SLC43A2: variants seen among roughly 807,000 people sequenced by gnomAD.
SLC43A2 encodes large neutral amino acids transporter small subunit 4.
A neutral mutation model predicts 63.2 loss-of-function variants in SLC43A2; 38 were observed. The ratio of observed to expected loss-of-function variants is 0.60; its 90% CI spans 0.46 to 0.79. SLC43A2 has a LOEUF of 0.79. Ranked by LOEUF, SLC43A2 falls within the 30% of genes least tolerant of loss-of-function variation. SLC43A2 has a pLI of 0.00. For synonymous variants in SLC43A2, 322 were observed against 331.0 expected, an observed-to-expected ratio of 0.97 and a Z score of 0.30; for missense variants, 644 against 756.2, an observed-to-expected ratio of 0.85 and a Z score of 1.74.
chr17:1,580,212 C>A (rs2075991523), intron 11 of SLC43A2, among the ~76,000 whole-genome samples: 2 of 152,224 alleles, frequency 1.3e-5, no homozygotes, highest in Non-Finnish European at 2.9e-5. Flanking sequence ...GCCACCGTGC[C>A]CGGCCAGGCT....
rs2075829524 is a variant in SLC43A2, at chr17:1,570,411, G to A, written c.*5193C>T. On this transcript the variant is annotated 3_prime_UTR_variant, in exon 14 of 14. Transcript: ENST00000301335. ...CTGAAAGTGGCTCTCCTGTTGTATG[G>A]GCTTGGGTGTGGTGTGGTGGCCCTT... is the stretch of plus-strand genomic sequence containing the variant. 6.6e-6 allele frequency: 1 copy of A among 152,336 alleles called. No homozygotes were observed. Among genetic ancestry groups the A allele is most frequent in the African/African-American group, 2.4e-5 (1 of 41,416 alleles). 9.4% of individuals were successfully genotyped at this position (152,336 alleles called of 1,614,324 possible).
intron 8 of SLC43A2, 55 bp downstream of exon 8, chr17:1,591,214 C>T (rs1290731438): frequency 8.9e-6 from 14 of 1,580,944 alleles, no homozygotes; most frequent in East Asian, 4.5e-5. Flanking sequence ...TGGGGTGAGC[C>T]GATACCCACA....
chr17:1,623,243 G>A (rs1038239269), intron 2 of SLC43A2, among the ~76,000 whole-genome samples: 21 of 152,236 alleles, frequency 1.4e-4, no homozygotes, highest in Admixed American at 3.9e-4. Flanking sequence ...CTCTGCCCTT[G>A]CAGCGATCTC....
chr17:1,625,522 C>G (rs1908583455), intron 2 of SLC43A2, among the ~76,000 whole-genome samples: 1 of 152,160 alleles, frequency 6.6e-6, no homozygotes. Flanking sequence ...AGCCATGCAC[C>G]AAGTTTGAAA....
intron 2 of SLC43A2, among the ~76,000 whole-genome samples, chr17:1,623,616 GGGTGTA>G (rs1908358417): frequency 1.3e-5 from 2 of 149,762 alleles, no homozygotes; most frequent in Non-Finnish European, 3.0e-5. Flanking sequence ...CTCTCCTCCA[GGGTGTA>G]CCCTCCTCTC....
At chr17:1,617,837 A>G (rs548866318) in intron 2 of SLC43A2, among the ~76,000 whole-genome samples, 3 of 152,284 alleles carry the variant, frequency 2.0e-5, no homozygotes, top group East Asian at 3.9e-4. Context: ...CACCAAAACA[A>G]CACAGAAAGG....
At chr17:1,580,204 C>T (rs2075991255) in intron 11 of SLC43A2, among the ~76,000 whole-genome samples, 1 of 152,230 alleles carries the variant, frequency 6.6e-6, no homozygotes, top group Non-Finnish European at 1.5e-5. Context: ...AGGCGTGAGC[C>T]ACCGTGCCCG....
intron 9 of SLC43A2, chr17:1,586,928 T>TGGCCCCCCCCCCCCCCCCCCC: frequency 8.9e-6 from 11 of 1,232,854 alleles, no homozygotes; most frequent in South Asian, 1.3e-5. Flanking sequence ...TCCCTGACAA[T>TGGCCCCCCCCCCCCCCCCCCC]CCCCCCCACC....
chr17:1,618,456 G>T (rs1320259231), intron 2 of SLC43A2, among the ~76,000 whole-genome samples: 1 of 152,214 alleles, frequency 6.6e-6, no homozygotes, highest in Non-Finnish European at 1.5e-5. Flanking sequence ...TGGTTATCAT[G>T]ATCATTGCTG....
chr17:1,627,669 A>ACCCCCCCC, intron 2 of SLC43A2, 46 bp downstream of exon 2: 2 of 1,127,302 alleles, frequency 1.8e-6, no homozygotes, highest in Non-Finnish European at 2.4e-6. Flanking sequence ...CCCCTCCCAA[A>ACCCCCCCC]GCCCCAGCTC....
In SLC43A2 at chr17:1,590,938, G is replaced by A. The variant is rs1904706471; in HGVS notation, c.942C>T (p.Ser314=). The change falls in exon 9 of 14, where the codon TCC becomes TCT. Residue 314 remains serine (S), a synonymous_variant. Transcript: ENST00000301335. ...TGGGGCTGAACACGCTGTGCATGAA[G>A]GAGGGGGCCACTGCAGGGAGAGGGT... is the stretch of plus-strand genomic sequence containing the variant. ...KCQPDAAVAP[S]FMHSVFSPIL... is the part of the protein sequence containing the mutation. The A allele has an allele frequency of 1.2e-5, 19 of 1,550,526 alleles. No individual in the cohort carries two copies. Among genetic ancestry groups the A allele is most frequent in the Non-Finnish European group, 1.6e-5 (18 of 1,147,126 alleles).
At position 1,617,286 on chromosome 17, in the gene SLC43A2, G is replaced by A. The variant is rs182622994; in HGVS notation, c.161-517C>T. 6.0e-3 allele frequency among the ~76,000 whole-genome samples: 921 copies of A among 152,322 alleles called. 8 individuals carry two copies. The highest frequency in any genetic ancestry group is 0.021 in the African/African-American group (875 of 41,574). On this transcript the variant is annotated intron_variant, in intron 2 of 13. Coordinates refer to ENST00000301335, the MANE Select transcript of SLC43A2 (RefSeq NM_152346.3). ...AGCACTGGTCTCACCCCAATAGCCT[G>A]GTTCTCCTCTGTCCATGTGGGGAGA...
chr17:1,613,406 T>C, intron 4 of SLC43A2, 135 bp from the exon 5 acceptor site: 1 of 699,644 alleles, frequency 1.4e-6, no homozygotes, highest in Non-Finnish European at 2.5e-6. Flanking sequence ...ACCTGACATC[T>C]GGGGAGTGGA....
rs1013392946 is a variant in SLC43A2, at chr17:1,593,659, G to C, written c.502-380C>G. On this transcript the variant is annotated intron_variant, in intron 5 of 13. Transcript: ENST00000301335. The surrounding 1 kb of genome is among the most constrained non-coding windows in gnomAD (Gnocchi z 5.3). Reference sequence around the variant, plus strand: ...AAGGGAGAAAGCCTGTTAAAAATAAGAATCTATTTGGGGATAATAGCATCA... The same window carrying C: ...AAGGGAGAAAGCCTGTTAAAAATAACAATCTATTTGGGGATAATAGCATCA... Among the ~76,000 whole-genome samples the C allele has an allele frequency of 1.3e-5, 2 of 152,102 alleles. No individual in the cohort carries two copies. Among genetic ancestry groups the C allele is most frequent in the Admixed American group, 6.6e-5 (1 of 15,254 alleles).
At chr17:1,576,522 G>C in intron 13 of SLC43A2, 75 bp downstream of exon 13, 1 of 1,513,846 alleles carries the variant, frequency 6.6e-7, no homozygotes, top group Non-Finnish European at 8.8e-7. Flanking sequence ...TGAAGCCCCC[G>C]AGGGGGACCT....
At position 1,605,138 on chromosome 17, in the gene SLC43A2, CGCCTCT is replaced by C; in HGVS notation, c.501+8051_501+8056del. On this transcript the variant is annotated intron_variant, in intron 5 of 13. Coordinates refer to ENST00000301335, the MANE Select transcript of SLC43A2 (RefSeq NM_152346.3). The surrounding 1 kb of genome is among the most constrained non-coding windows in gnomAD (Gnocchi z 4.9). ...CAGGTGCTTCCCACAGCCCCCTCGC[CGCCTCT>C]GCCTCCGTGCGGGTCAACCTGTCCT... The C allele has an allele frequency of 7.8e-7, 1 of 1,278,968 alleles. No individual in the cohort carries two copies. The highest frequency in any genetic ancestry group is 1.7e-5 in the South Asian group (1 of 58,296). 79.2% of individuals were successfully genotyped at this position (1,278,968 alleles called of 1,614,324 possible).
At chr17:1,608,090 C>T (rs987073275) in intron 5 of SLC43A2, among the ~76,000 whole-genome samples, 4 of 152,152 alleles carry the variant, frequency 2.6e-5, no homozygotes, top group Admixed American at 2.6e-4. Context: ...TGAGATACCA[C>T]AAAAGCAGCC....
chr17:1,581,279 T>C (rs1159632909), intron 11 of SLC43A2, among the ~76,000 whole-genome samples: 1 of 152,094 alleles, frequency 6.6e-6, no homozygotes, highest in East Asian at 1.9e-4. Context: ...CAACTTTTCT[T>C]TCAGTGAGAC....
rs577715832 is a variant in SLC43A2, at chr17:1,613,572, C to T, written c.425-301G>A. On this transcript the variant is annotated intron_variant, in intron 4 of 13. Transcript: ENST00000301335. ...GGTTCAAGTGATCCTCCTGCCTCAG[C>T]CTCCCAAGTAGCCGGGATTACAGGC... Among the ~76,000 whole-genome samples the T allele has an allele frequency of 7.2e-5, 11 of 152,300 alleles. No homozygotes were observed. In the South Asian group the frequency reaches 1.9e-3, roughly 26 times the overall value.
Sources: allele counts gnomAD v4.1 joint callset (sites outside exome capture counted in the v4.1 genomes callset), GRCh38; gene constraint gnomAD v4.1.1; non-coding constraint Gnocchi (gnomAD v3.1); transcripts MANE v1.5; gene names NCBI Gene and HGNC (gene_info 2026-07-23, HGNC 2026-07-21).